Variants in SPG7 observed in about 807,000 individuals in gnomAD.
The protein encoded by SPG7 is mitochondrial inner membrane m-AAA protease component paraplegin.
SPG7 carries 103 observed loss-of-function variants against 81.9 expected under a neutral mutation model. The ratio of observed to expected loss-of-function variants is 1.26; its 90% confidence interval spans 1.07 to 1.48. The LOEUF is 1.48. SPG7 is among the 40% of genes most tolerant of loss of function. SPG7 has a pLI of 0.00. For synonymous variants in SPG7, 534 were observed against 444.2 expected (o/e 1.20, Z -2.54); for missense variants, 1,241 against 1,087.3 (o/e 1.14, Z -1.99).
chr16:89,513,161 ACTTGT>A, intron 3 of SPG7, 124 bp downstream of exon 3: 2 of 1,410,334 alleles, frequency 1.4e-6, no homozygotes, highest in Non-Finnish European at 9.7e-7. Flanking sequence ...AGTGGCTCAC[ACTTGT>A]AATCGAAACG....
Position 89,556,960 on chromosome 16 carries a change from A to G in SPG7, c.2255A>G (p.His752Arg), listed in dbSNP as rs2058693302. ...DIEALIGPPP[H>R]GPKKMIAPQR... ...GAGGCTCTCATTGGCCCGCCGCCCC[A>G]TGGGCCGAAGAAAATGATCGCACCG... Residue 752 changes from histidine (H) to arginine (R), a missense_variant, in exon 17 of 17, where the codon CAT (histidine) becomes CGT (arginine). Transcript: ENST00000645818. 1.2e-6 allele frequency: 2 copies of G among 1,614,082 alleles called. No individual in the cohort carries two copies. Among genetic ancestry groups the G allele is most frequent in the Non-Finnish European group, 1.7e-6 (2 of 1,180,002 alleles).
intron 9 of SPG7, among the ~76,000 whole-genome samples, chr16:89,534,840 G>C (rs1356003457): frequency 6.6e-6 from 1 of 152,216 alleles, no homozygotes; most frequent in Non-Finnish European, 1.5e-5. Context: ...CCCATCCACA[G>C]GTGCTTCCGC....
chr16:89,529,597 G>C lies in SPG7; in HGVS notation c.861+18G>C, dbSNP rs181988826. 2.6e-6 allele frequency: 4 copies of C among 1,544,948 alleles called. No homozygotes were observed. Among genetic ancestry groups the C allele is most frequent in the South Asian group, 2.2e-5 (2 of 89,348 alleles). ...GTGCTTTTGTAAGTTCTGTAAATCA[G>C]AGCTCTCTGAACTCTTTCTGGTTTG... On this transcript the variant is annotated intron_variant, in intron 6 of 16. Transcript: ENST00000645818.
chr16:89,544,702 T>C lies in SPG7; in HGVS notation c.1379T>C (p.Ile460Thr). Reference protein sequence around the residue: ...IVLASTNRADILDGALMRPGR... With the variant: ...IVLASTNRADTLDGALMRPGR... ...CTGGCGTCCACGAACCGAGCTGACA[T>C]TTTGGACGGTGCTCTGATGAGGCCA... The change falls in exon 10 of 17, where the codon ATT (isoleucine) becomes ACT (threonine). Residue 460 changes from isoleucine (I) to threonine (T), a missense_variant. Coordinates refer to ENST00000645818, the MANE Select transcript of SPG7 (RefSeq NM_003119.4). 1 of 1,614,080 alleles carries C rather than the reference T, an allele frequency of 6.2e-7. No individual in the cohort carries two copies. Among genetic ancestry groups the C allele is most frequent in the Non-Finnish European group, 8.5e-7 (1 of 1,179,986 alleles).
At chr16:89,552,557 T>C (rs963109465) in intron 13 of SPG7, 59 of 267,988 alleles carry the variant, frequency 2.2e-4, no homozygotes, top group Non-Finnish European at 6.0e-5. Flanking sequence ...TGTGGGGCTG[T>C]GGGGGAGCAG....
At chr16:89,514,935 CTTTT>C (rs56327708) in intron 3 of SPG7, among the ~76,000 whole-genome samples, 10 of 122,522 alleles carry the variant, frequency 8.2e-5, no homozygotes, top group Non-Finnish European at 8.5e-5. Context: ...TGGCCTTGAC[CTTTT>C]TTTTTTTTTT....
At chr16:89,509,128 C>G (rs1397787799) in intron 1 of SPG7, 3 of 373,440 alleles carry the variant, frequency 8.0e-6, no homozygotes, top group Non-Finnish European at 1.6e-5. Context: ...GGCCTTGTTT[C>G]AGGTTCTGCT....
chr16:89,540,354 A>G (rs2058479037), intron 9 of SPG7: 1 of 152,058 alleles, frequency 6.6e-6, no homozygotes, highest in Non-Finnish European at 1.5e-5. Context: ...TGCGCGTCTG[A>G]GTTGGAAGCA....
At chr16:89,549,039 T>C (rs1313261769) in intron 12 of SPG7, 1 of 456,300 alleles carries the variant, frequency 2.2e-6, no homozygotes, top group Non-Finnish European at 4.4e-6. Flanking sequence ...GGGCAGCTGC[T>C]GTGCCAGACA....
At chr16:89,515,007 G>C (rs1240505961) in intron 3 of SPG7, among the ~76,000 whole-genome samples, 1 of 146,134 alleles carries the variant, frequency 6.8e-6, no homozygotes, top group Non-Finnish European at 1.5e-5. Flanking sequence ...TGTGATCTCA[G>C]CTCACTGCAA....
At chr16:89,516,355 A>G (rs1035267438) in intron 3 of SPG7, among the ~76,000 whole-genome samples, 2 of 151,956 alleles carry the variant, frequency 1.3e-5, no homozygotes, top group African/African-American at 4.8e-5. Flanking sequence ...CAGCCTGGCT[A>G]ACATGGTGAA....
At chr16:89,556,132 G>T in intron 16 of SPG7, 1 of 398,906 alleles carries the variant, frequency 2.5e-6, no homozygotes, top group South Asian at 1.3e-4. Flanking sequence ...CCCCGTGTAT[G>T]AACTGTCAGC....
rs957359138 is a variant in SPG7 at position 89,557,520 on chromosome 16, A to T, written c.*427A>T. On this transcript the variant is annotated 3_prime_UTR_variant, in exon 17 of 17. Transcript: ENST00000645818. The stretch of plus-strand genomic sequence containing the variant: ...TGCTAAGGGGATCGGACATGAAAGG[A>T]CCCTGTGAGCCGATTGTCCTATCTC... 2 of 232,968 alleles carry T rather than the reference A, an allele frequency of 8.6e-6. No individual in the cohort carries two copies. The highest frequency in any genetic ancestry group is 4.5e-5 in the African/African-American group (2 of 44,066). 14.4% of individuals were successfully genotyped at this position (232,968 alleles called of 1,614,324 possible).
chr16:89,531,890 C>T lies in SPG7; in HGVS notation c.988-14C>T. On this transcript the variant is annotated splice_polypyrimidine_tract_variant and intron_variant, in intron 7 of 16. Coordinates refer to ENST00000645818, the MANE Select transcript of SPG7 (RefSeq NM_003119.4). ...CCCCAAGTAGTTAGTGTTGCATTGT[C>T]TGCTGCCGTCCAGAGCCCAGAACGC... 2.5e-6 allele frequency: 4 copies of T among 1,614,004 alleles called. No individual in the cohort carries two copies. Among genetic ancestry groups the T allele is most frequent in the Non-Finnish European group, 3.4e-6 (4 of 1,179,928 alleles).
At chr16:89,530,150 TG>T (rs71391284) in intron 6 of SPG7, 36,455 of 244,188 alleles carry the variant, frequency 0.15, 3,075 homozygotes, top group Middle Eastern at 0.2. Context: ...TTCTTTTTTG[TG>T]TGTGTGTGTG....
At chr16:89,537,689 C>G (rs576391311) in intron 9 of SPG7, 24 of 982,428 alleles carry the variant, frequency 2.4e-5, no homozygotes, top group Non-Finnish European at 2.7e-5. Flanking sequence ...TCTGTTTTTT[C>G]AGTCTGTGAA....
rs115244515 is a variant in SPG7, at chr16:89,526,415, C to G, written c.705C>G (p.Ile235Met). Reference protein sequence around the residue: ...KLRAAEDELNIEAKDRIPVSY... With the variant: ...KLRAAEDELNMEAKDRIPVSY... Reference sequence around the variant, plus strand: ...GAGCAGCTGAAGATGAGCTGAATATCGAGGCCAAGGACAGGATCCCAGTTT... The same window carrying G: ...GAGCAGCTGAAGATGAGCTGAATATGGAGGCCAAGGACAGGATCCCAGTTT... The change falls in exon 5 of 17, where the codon ATC (isoleucine) becomes ATG (methionine). Residue 235 changes from isoleucine to methionine, a missense_variant. By Grantham distance (10) the Ile-to-Met change is conservative. Transcript: ENST00000645818. The G allele has an allele frequency of 3.1e-6, 5 of 1,614,104 alleles. No individual in the cohort carries two copies. In the South Asian group the frequency reaches 5.5e-5, roughly 18 times the overall value.
In SPG7 at chr16:89,532,428, C is replaced by T. The variant is rs748885526; in HGVS notation, c.1151-35C>T. On this transcript the variant is annotated intron_variant, in intron 8 of 16. Coordinates refer to ENST00000645818, the MANE Select transcript of SPG7 (RefSeq NM_003119.4). ...AGGAAGAGGCTTTGTTTTTTATTAACTGCCCATTTCCTGATTCTCTCTGTG... is the reference window on the plus strand; with the variant it reads ...AGGAAGAGGCTTTGTTTTTTATTAATTGCCCATTTCCTGATTCTCTCTGTG... 3.7e-6 allele frequency: 6 copies of T among 1,611,026 alleles called. No homozygotes were observed. In the Admixed American group the frequency reaches 1.0e-4, roughly 27 times the overall value.
At chr16:89,516,414 T>C (rs1276678128) in intron 3 of SPG7, among the ~76,000 whole-genome samples, 2 of 150,406 alleles carry the variant, frequency 1.3e-5, no homozygotes, top group Non-Finnish European at 3.0e-5. Context: ...TAGCCAGGTG[T>C]GGTGTACGTG....
Sources: gnomAD v4.1 joint callset for allele counts (sites outside exome capture counted in the v4.1 genomes callset) on GRCh38, gnomAD v4.1.1 for gene constraint, MANE v1.5 for transcripts, NCBI Gene and HGNC (gene_info 2026-07-23, HGNC 2026-07-21) for gene names.